SFMBT2: variants seen among roughly 807,000 people sequenced by gnomAD.
SFMBT2 encodes scm-like with four MBT domains protein 2.
SFMBT2 carries 38 observed loss-of-function variants against 110.1 expected under a neutral mutation model. The observed-to-expected ratio is 0.35, with a 90% CI of 0.27 to 0.45. SFMBT2 has a LOEUF of 0.45. Ranked by LOEUF, SFMBT2 falls within the 20% of genes least tolerant of loss-of-function variation. The pLI is 1.00. For missense variants in SFMBT2, 1,011 were observed against 1,094.9 expected (o/e 0.92, Z 1.08); for synonymous variants, 425 against 425.4 (o/e 1.00, Z 0.01).
chr10:7,294,133 G>C (rs1022399220), intron 4 of SFMBT2, among the ~76,000 whole-genome samples: 2 of 152,178 alleles, frequency 1.3e-5, no homozygotes, highest in Non-Finnish European at 2.9e-5. Context: ...CTGCTAGGGT[G>C]GGGGAAGGTA....
chr10:7,393,754 A>G (rs1845845775), intron 1 of SFMBT2, among the ~76,000 whole-genome samples: 1 of 152,196 alleles, frequency 6.6e-6, no homozygotes, highest in Admixed American at 6.5e-5. Flanking sequence ...GTGTCCAACT[A>G]CACGGTGGAA....
chr10:7,336,826 C>G (rs1250899968), intron 4 of SFMBT2, among the ~76,000 whole-genome samples: 4 of 152,060 alleles, frequency 2.6e-5, no homozygotes, highest in African/African-American at 4.8e-5. Flanking sequence ...TGCTGGAGAC[C>G]AGAACATGCA....
chr10:7,311,849 G>A (rs911311848), intron 4 of SFMBT2, among the ~76,000 whole-genome samples: 24 of 152,112 alleles, frequency 1.6e-4, no homozygotes, highest in African/African-American at 5.6e-4. Context: ...AGAAAGGCCC[G>A]GGCAACAATT....
intron 6 of SFMBT2, among the ~76,000 whole-genome samples, chr10:7,278,648 A>G (rs1406142696): frequency 6.6e-6 from 1 of 152,214 alleles, no homozygotes; most frequent in East Asian, 1.9e-4. Context: ...GGGATTACCA[A>G]AGAAAGAATT....
At chr10:7,350,059 A>T (rs1427632557) in intron 4 of SFMBT2, among the ~76,000 whole-genome samples, 5 of 152,014 alleles carry the variant, frequency 3.3e-5, no homozygotes, top group African/African-American at 1.2e-4. Flanking sequence ...GGGCCCCGGG[A>T]GGCACTGCCC....
chr10:7,206,011 C>G, intron 11 of SFMBT2, 83 bp from the exon 12 acceptor site: 1 of 1,546,962 alleles, frequency 6.5e-7, no homozygotes, highest in Non-Finnish European at 8.7e-7. Context: ...TAGAGCATCC[C>G]TAACATGGGG....
intron 1 of SFMBT2, among the ~76,000 whole-genome samples, chr10:7,390,883 T>C (rs1390091526): frequency 6.6e-6 from 1 of 152,052 alleles, no homozygotes; most frequent in Non-Finnish European, 1.5e-5. Flanking sequence ...AAGGATCACC[T>C]GAGGTCAGGA....
intron 4 of SFMBT2, among the ~76,000 whole-genome samples, chr10:7,316,103 G>C (rs80339154): frequency 3.3e-5 from 5 of 152,310 alleles, no homozygotes; most frequent in Non-Finnish European, 5.9e-5. Context: ...GGTGAACCTT[G>C]AAGAGCCAAA....
intron 11 of SFMBT2, among the ~76,000 whole-genome samples, chr10:7,210,207 C>T (rs1480948655): frequency 2.0e-5 from 3 of 152,188 alleles, no homozygotes; most frequent in Non-Finnish European, 2.9e-5. Flanking sequence ...ACACAGGTGA[C>T]TGTAATCGAG....
chr10:7,240,378 T>C (rs1262618121), intron 9 of SFMBT2, among the ~76,000 whole-genome samples: 2 of 152,206 alleles, frequency 1.3e-5, no homozygotes, highest in African/African-American at 2.4e-5. Context: ...ACAGATCTCA[T>C]TAGAAGGATC....
At chr10:7,193,149 T>G (rs953666551) in intron 15 of SFMBT2, among the ~76,000 whole-genome samples, 2 of 152,090 alleles carry the variant, frequency 1.3e-5, no homozygotes, top group Non-Finnish European at 2.9e-5. Context: ...TAAACGTTCC[T>G]CTCTTAAGCT....
chr10:7,334,131 G>T (rs1195365377), intron 4 of SFMBT2, among the ~76,000 whole-genome samples: 1 of 152,170 alleles, frequency 6.6e-6, no homozygotes, highest in African/African-American at 2.4e-5. Context: ...CATTGCTGAC[G>T]ATGGGAGCAA....
chr10:7,321,571 C>T (rs1226688057), intron 4 of SFMBT2, among the ~76,000 whole-genome samples: 1 of 152,132 alleles, frequency 6.6e-6, no homozygotes, highest in African/African-American at 2.4e-5. Context: ...TTAAGGTGCA[C>T]AATGTAGGTA....
chr10:7,363,172 G>A (rs548721329), intron 4 of SFMBT2, among the ~76,000 whole-genome samples: 2 of 152,198 alleles, frequency 1.3e-5, no homozygotes, highest in South Asian at 2.1e-4. Context: ...TTTTTCCCAC[G>A]CTATTCTCAG....
At chr10:7,285,580 A>C (rs1842061272) in intron 5 of SFMBT2, 1 of 325,068 alleles carries the variant, frequency 3.1e-6, no homozygotes, top group African/African-American at 2.1e-5. Flanking sequence ...AGGCTTAAAG[A>C]TATAGGACAG....
At chr10:7,383,654 T>C (rs1255408743) in intron 1 of SFMBT2, among the ~76,000 whole-genome samples, 1 of 152,180 alleles carries the variant, frequency 6.6e-6, no homozygotes. Flanking sequence ...ATTTTGCTAC[T>C]ACAAAGATAA....
At chr10:7,395,071 C>T (rs2477538) in intron 1 of SFMBT2, among the ~76,000 whole-genome samples, 3,711 of 152,270 alleles carry the variant, frequency 0.024, 148 homozygotes, top group African/African-American at 0.084. Context: ...GTAATCCCAG[C>T]ACTCTGGGAA....
intron 2 of SFMBT2, 114 bp downstream of exon 2, chr10:7,381,685 A>G (rs1226080961): frequency 8.6e-7 from 1 of 1,161,994 alleles, no homozygotes; most frequent in Non-Finnish European, 1.2e-6. Flanking sequence ...AAATCCCAGG[A>G]ACCAGACAGT....
intron 1 of SFMBT2, among the ~76,000 whole-genome samples, chr10:7,392,588 C>CAT (rs986802922): frequency 1.5e-4 from 23 of 152,208 alleles, no homozygotes; most frequent in Admixed American, 5.2e-4. Context: ...ACTTCCTTCC[C>CAT]ATATTTAAAC....
Sources: allele counts gnomAD v4.1 joint callset (sites outside exome capture counted in the v4.1 genomes callset), GRCh38; gene constraint gnomAD v4.1.1; transcripts MANE v1.5; gene names NCBI Gene and HGNC (gene_info 2026-07-23, HGNC 2026-07-21).